Variants in ZFYVE28 observed in about 807,000 individuals in gnomAD.
The protein encoded by ZFYVE28 is lateral signaling target protein 2 homolog.
A neutral mutation model predicts 82.1 loss-of-function variants in ZFYVE28; 40 were observed. That is an observed-to-expected ratio of 0.49 (90% CI 0.38 to 0.63). The LOEUF is 0.63. Among genes scored for constraint, ZFYVE28 ranks in the 30% least tolerant of loss-of-function variants. The probability of loss-of-function intolerance (pLI) is 0.00; values close to 1 mark genes in which losing one functional copy is unlikely to be tolerated. For missense variants in ZFYVE28, 1,321 were observed against 1,242.1 expected (o/e 1.06, Z -0.96); for synonymous variants, 612 against 546.1 (o/e 1.12, Z -1.68).
At chr4:2,319,524 G>A (rs1718733264) in intron 7 of ZFYVE28, among the ~76,000 whole-genome samples, 1 of 152,184 alleles carries the variant, frequency 6.6e-6, no homozygotes, top group South Asian at 2.1e-4. Flanking sequence ...GTGATCAGGG[G>A]CCGTGGTAGG....
At chr4:2,273,945 TG>T in intron 9 of ZFYVE28, 116 bp downstream of exon 9, 2 of 1,191,112 alleles carry the variant, frequency 1.7e-6, no homozygotes, top group Non-Finnish European at 2.4e-6. Flanking sequence ...AGGGGCAGAG[TG>T]GGCTGCTGTT....
At position 2,356,320 on chromosome 4, in the gene ZFYVE28, G is replaced by A. The variant is rs560414455; in HGVS notation, c.40-2247C>T. On this transcript the variant is annotated intron_variant, in intron 1 of 12. Transcript: ENST00000290974. Reference sequence around the variant, plus strand: ...GAGCCTCTGCACCCACTCGCTCTCCGGCAGATGCTGCCTGAGCAACCACTC... The same window carrying A: ...GAGCCTCTGCACCCACTCGCTCTCCAGCAGATGCTGCCTGAGCAACCACTC... Among the ~76,000 whole-genome samples, 15 of 152,290 alleles carry A rather than the reference G, an allele frequency of 9.8e-5. No homozygotes were observed. The South Asian group carries it at 1.2e-3, about 13-fold the overall frequency.
intron 2 of ZFYVE28, chr4:2,342,508 C>A (rs557595524): frequency 6.6e-6 from 1 of 152,324 alleles, no homozygotes; most frequent in South Asian, 2.1e-4. Context: ...ATCCTCCAGC[C>A]TCAGCCTCCC....
chr4:2,402,908 G>A (rs1353141595), intron 1 of ZFYVE28, among the ~76,000 whole-genome samples: 4 of 152,058 alleles, frequency 2.6e-5, no homozygotes, highest in African/African-American at 4.8e-5. Flanking sequence ...CTCAGGACCC[G>A]GTCAGCTAAC....
rs201918050 is a variant in ZFYVE28 at position 2,304,447 on chromosome 4, G to C, written c.1893C>G (p.Ser631=). The stretch of plus-strand genomic sequence containing the variant: ...CTGAGGTGTGAGGCAGGCACTTGTC[G>C]GAAGTGGGGGCTTTGGGCTCCCGCC... ...SNGREPKAPT[S]DKCLPHTSGS... The change falls in exon 8 of 13, where the codon TCC becomes TCG. Residue 631 remains serine, a synonymous_variant. Coordinates refer to ENST00000290974, the MANE Select transcript of ZFYVE28 (RefSeq NM_020972.3). 1.7e-5 allele frequency: 27 copies of C among 1,613,526 alleles called. No individual in the cohort carries two copies. The highest frequency in any genetic ancestry group is 1.0e-4 in the Admixed American group (6 of 60,006).
intron 8 of ZFYVE28, among the ~76,000 whole-genome samples, chr4:2,276,784 C>T (rs367932039): frequency 1.0e-4 from 15 of 150,490 alleles, no homozygotes; most frequent in African/African-American, 2.9e-4. Context: ...GAAGGTAGAA[C>T]GGTGGGCGCC....
At position 2,269,605 on chromosome 4, in the gene ZFYVE28, TTAAA is replaced by T. The variant is rs1324451567; in HGVS notation, c.*1116_*1119del. The T allele has an allele frequency of 6.6e-6, 1 of 152,172 alleles. No homozygotes were observed. The highest frequency in any genetic ancestry group is 2.4e-5 in the African/African-American group (1 of 41,438). 9.4% of individuals were successfully genotyped at this position (152,172 alleles called of 1,614,324 possible). On this transcript the variant is annotated 3_prime_UTR_variant, in exon 13 of 13. Coordinates refer to ENST00000290974, the MANE Select transcript of ZFYVE28 (RefSeq NM_020972.3). ...GAAGAAAGGAGAGCGTCTGCAATCC[TTAAA>T]TAGATTTATGGAAATGGCTTCAAAT...
At chr4:2,273,987 CCCCG>C in intron 9 of ZFYVE28, 71 bp downstream of exon 9, 1 of 1,537,342 alleles carries the variant, frequency 6.5e-7, no homozygotes, top group Non-Finnish European at 8.9e-7. Context: ...GTTGTACACG[CCCCG>C]CCTGACCTCC....
rs1732219218 is a variant in ZFYVE28 at position 2,408,910 on chromosome 4, C to A, written c.39+9375G>T. Among the ~76,000 whole-genome samples, 1 of 152,216 alleles carries A rather than the reference C, an allele frequency of 6.6e-6. No homozygotes were observed. Among genetic ancestry groups the A allele is most frequent in the African/African-American group, 2.4e-5 (1 of 41,440 alleles). ...CCCGGCGGTTTCTAAGTGGACCTTC[C>A]CATGCACTCAGCTTTAGGTTTTAGT... On this transcript the variant is annotated intron_variant, in intron 1 of 12. Coordinates refer to ENST00000290974, the MANE Select transcript of ZFYVE28 (RefSeq NM_020972.3). The surrounding 1 kb of genome is among the most constrained non-coding windows in gnomAD (Gnocchi z 4.3).
chr4:2,416,340 A>T lies in ZFYVE28; in HGVS notation c.39+1945T>A, dbSNP rs150466514. Among the ~76,000 whole-genome samples the T allele has an allele frequency of 6.1e-3, 928 of 152,302 alleles. 4 individuals carry two copies. The highest frequency in any genetic ancestry group is 0.02 in the Middle Eastern group (6 of 294). ...ACACGATTAGAAGGGTGATCCCCCA[A>T]ATGCGGCCTCTTCCACAGCCACGTC... On this transcript the variant is annotated intron_variant, in intron 1 of 12. Transcript: ENST00000290974. The surrounding 1 kb of genome is among the most constrained non-coding windows in gnomAD (Gnocchi z 4.6).
At chr4:2,391,740 CTT>C (rs60828021) in intron 1 of ZFYVE28, among the ~76,000 whole-genome samples, 2 of 142,176 alleles carry the variant, frequency 1.4e-5, no homozygotes, top group African/African-American at 2.6e-5. Flanking sequence ...TTCTCTCTCT[CTT>C]TTTTTTTTTT....
chr4:2,274,716 A>T (rs545936306), intron 8 of ZFYVE28, among the ~76,000 whole-genome samples: 2 of 152,322 alleles, frequency 1.3e-5, no homozygotes, highest in East Asian at 3.9e-4. Flanking sequence ...GATTGCCCTG[A>T]ATGATCCGGA....
intron 5 of ZFYVE28, 41 bp downstream of exon 5, chr4:2,337,366 C>G: frequency 6.5e-7 from 1 of 1,547,492 alleles, no homozygotes; most frequent in Non-Finnish European, 8.8e-7. Flanking sequence ...GCAGGGACTC[C>G]CCAGATGCTG....
chr4:2,329,684 G>A (rs1720379410), intron 6 of ZFYVE28, among the ~76,000 whole-genome samples: 1 of 152,182 alleles, frequency 6.6e-6, no homozygotes, highest in Non-Finnish European at 1.5e-5. Context: ...ACCTATCAAT[G>A]TTAAGAAACT....
Position 2,335,623 on chromosome 4 carries a change from G to A in ZFYVE28, c.701+82C>T, listed in dbSNP as rs1052326921. The A allele has an allele frequency of 2.9e-5, 39 of 1,358,732 alleles. No homozygotes were observed. Among genetic ancestry groups the A allele is most frequent in the South Asian group, 1.8e-4 (14 of 79,556 alleles). The allele number at this position is 1,358,732 out of a possible 1,614,324, so 84.2% of individuals were successfully genotyped here. ...CCGTGAGGTGGAGACGCCATGGACC[G>A]GCACCCGCACGGGACCTGGCACCAT... On this transcript the variant is annotated intron_variant, in intron 6 of 12. Transcript: ENST00000290974. The surrounding 1 kb of genome is among the most constrained non-coding windows in gnomAD (Gnocchi z 5.8).
In ZFYVE28 at chr4:2,362,552, G is replaced by A. The variant is rs189407327; in HGVS notation, c.40-8479C>T. 2.6e-5 allele frequency among the ~76,000 whole-genome samples: 4 copies of A among 152,150 alleles called. No homozygotes were observed. The East Asian group carries it at 7.8e-4, about 30-fold the overall frequency. On this transcript the variant is annotated intron_variant, in intron 1 of 12. Transcript: ENST00000290974. The surrounding 1 kb of genome is among the most constrained non-coding windows in gnomAD (Gnocchi z 5.1). The stretch of plus-strand genomic sequence containing the variant: ...CCTCCTGTCCGCACTGAGGCCAGAC[G>A]TCCATGGGCAGCCATGACCCATGTC...
In ZFYVE28 at chr4:2,300,481, G is replaced by A. The variant is rs775785370; in HGVS notation, c.2051+3808C>T. ...CTGCAAGGCTGATTCACTGCTGTCT[G>A]TCGAGGACGATGTCCGGACTCCCAG... On this transcript the variant is annotated intron_variant, in intron 8 of 12. Coordinates refer to ENST00000290974, the MANE Select transcript of ZFYVE28 (RefSeq NM_020972.3). This position sits in a 1 kb window ranked among gnomAD's most constrained non-coding sequence, Gnocchi z 4.6. Among the ~76,000 whole-genome samples the A allele has an allele frequency of 6.0e-4, 92 of 152,214 alleles. No homozygotes were observed. Among genetic ancestry groups the A allele is most frequent in the Non-Finnish European group, 1.1e-3 (75 of 68,040 alleles).
rs1176199756 is a variant in ZFYVE28, at chr4:2,418,498, G to A, written c.-175C>T. The A allele has an allele frequency of 2.2e-5, 6 of 274,340 alleles. No individual in the cohort carries two copies. Among genetic ancestry groups the A allele is most frequent in the Non-Finnish European group, 2.8e-5 (5 of 177,420 alleles). The allele number at this position is 274,340 out of a possible 1,614,324, so 17.0% of individuals were successfully genotyped here. ...AGCGGGCGGCGGGCAGGTGCGCGGG[G>A]CAGGTGCGCGGCCCTGAGTATGCTC... is the stretch of plus-strand genomic sequence containing the variant. On this transcript the variant is annotated 5_prime_UTR_variant, in exon 1 of 13. Coordinates refer to ENST00000290974, the MANE Select transcript of ZFYVE28 (RefSeq NM_020972.3). This position sits in a 1 kb window ranked among gnomAD's most constrained non-coding sequence, Gnocchi z 4.6.
At chr4:2,378,024 A>C (rs1728341972) in intron 1 of ZFYVE28, among the ~76,000 whole-genome samples, 1 of 152,218 alleles carries the variant, frequency 6.6e-6, no homozygotes, top group African/African-American at 2.4e-5. Context: ...GTACCTAAAC[A>C]GAATAGGTAC....
Sources: allele counts gnomAD v4.1 joint callset (sites outside exome capture counted in the v4.1 genomes callset), GRCh38; gene constraint gnomAD v4.1.1; non-coding constraint Gnocchi (gnomAD v3.1); transcripts MANE v1.5; gene names NCBI Gene and HGNC (gene_info 2026-07-23, HGNC 2026-07-21).